The following PLA2R1 variants were observed in gnomAD, a reference collection of about 807,000 sequenced individuals.
PLA2R1 encodes secretory phospholipase A2 receptor.
PLA2R1 carries 158 observed loss-of-function variants against 195.9 expected under a neutral mutation model. The ratio of observed to expected loss-of-function variants is 0.81; its 90% CI spans 0.71 to 0.92. The LOEUF (loss-of-function observed/expected upper bound fraction) is 0.92, where lower values mean the gene tolerates loss of function less well. Ranked by LOEUF, PLA2R1 falls within the 40% of genes least tolerant of loss-of-function variation. The pLI is 0.00. For missense variants in PLA2R1, 1,626 were observed against 1,764.6 expected, an observed-to-expected ratio of 0.92 and a Z score of 1.41; for synonymous variants, 586 against 598.2, an observed-to-expected ratio of 0.98 and a Z score of 0.30.
rs146638049 is a variant in PLA2R1, at chr2:160,012,941, T to C, written c.1664+322A>G. Among the ~76,000 whole-genome samples, 197 of 151,926 alleles carry C rather than the reference T, an allele frequency of 1.3e-3. 1 individual carries two copies. Among genetic ancestry groups the C allele is most frequent in the African/African-American group, 4.4e-3 (181 of 41,456 alleles). Reference sequence around the variant, plus strand: ...AAATGAAAAAAAATAAAATAAAAAATAAATAACGGGTTTCATTTCCCATAT... The same window carrying C: ...AAATGAAAAAAAATAAAATAAAAAACAAATAACGGGTTTCATTTCCCATAT... On this transcript the variant is annotated intron_variant, in intron 10 of 29. Transcript: ENST00000283243.
chr2:160,006,007 TC>T (rs1362092248), intron 10 of PLA2R1, among the ~76,000 whole-genome samples, 186 bp from the exon 11 acceptor site: 1 of 152,164 alleles, frequency 6.6e-6, no homozygotes, highest in Non-Finnish European at 1.5e-5. Context: ...TCAGTGCAAT[TC>T]CCAGAACTAT....
chr2:159,978,522 T>C (rs1195137247), intron 14 of PLA2R1, among the ~76,000 whole-genome samples: 4 of 152,214 alleles, frequency 2.6e-5, no homozygotes, highest in African/African-American at 9.6e-5. Flanking sequence ...TTATCTAATT[T>C]ATTCTGACCC....
At position 160,062,588 on chromosome 2, in the gene PLA2R1, T is replaced by TCCACAGTGAACCGAGTG. The variant is rs1696045108; in HGVS notation, c.-186_-185insCACTCGGTTCACTGTGG. 9.2e-7 allele frequency: 1 copy of TCCACAGTGAACCGAGTG among 1,088,634 alleles called. No individual in the cohort carries two copies. The highest frequency in any genetic ancestry group is 1.2e-6 in the Non-Finnish European group (1 of 820,172). The allele number at this position is 1,088,634 out of a possible 1,614,324, so 67.4% of individuals were successfully genotyped here. ...GGAGACCCACTCCGCCACCGCTGTC[T>TCCACAGTGAACCGAGTG]CCACAGTGAACCGACACTCGGGGCT... On this transcript the variant is annotated 5_prime_UTR_variant, in exon 1 of 30. Transcript: ENST00000283243.
chr2:159,957,722 A>G (rs952315576), intron 20 of PLA2R1, among the ~76,000 whole-genome samples: 5 of 152,152 alleles, frequency 3.3e-5, no homozygotes, highest in African/African-American at 1.2e-4. Context: ...AGGGTTGAAG[A>G]TAAGTTTGTT....
In PLA2R1 at chr2:159,956,593, C is replaced by T. The variant is rs1236776573; in HGVS notation, c.2939G>A (p.Ser980Asn). 1 of 1,612,876 alleles carries T rather than the reference C, an allele frequency of 6.2e-7. No homozygotes were observed. Among genetic ancestry groups the T allele is most frequent in the Non-Finnish European group, 8.5e-7 (1 of 1,178,896 alleles). Residue 980 changes from serine (S) to asparagine (N), a missense_variant, in exon 21 of 30, where the codon AGT (serine) becomes AAT (asparagine). Physicochemically the swap from Ser to Asn is conservative, Grantham distance 46 (BLOSUM62 1). Transcript: ENST00000283243. ...LLLNIPKDPSSWKNWTHAQHF... is the reference protein window; with the variant it reads ...LLLNIPKDPSNWKNWTHAQHF... ...TTGAGCATGCGTCCAGTTCTTCCAA[C>T]TGCTTGGGTCTTTGGGGATATTCAG...
chr2:160,062,281 C>A lies in PLA2R1; in HGVS notation c.109+14G>T. 3 of 1,462,942 alleles carry A rather than the reference C, an allele frequency of 2.1e-6. No individual in the cohort carries two copies. The highest frequency in any genetic ancestry group is 2.7e-6 in the Non-Finnish European group (3 of 1,104,762). The allele number at this position is 1,462,942 out of a possible 1,614,324, so 90.6% of individuals were successfully genotyped here. A position where few individuals can be genotyped will look rare whatever the true frequency, so the allele number is the denominator to read the frequency against. On this transcript the variant is annotated intron_variant, in intron 1 of 29. Coordinates refer to ENST00000283243, the MANE Select transcript of PLA2R1 (RefSeq NM_007366.5). The stretch of plus-strand genomic sequence containing the variant: ...CCAACGTACCGATCCAGTCCCCGAC[C>A]CTGGGAGACTCACCCTGCCACTCCA...
Position 159,951,463 on chromosome 2 carries a change from T to TA in PLA2R1, c.3416dup (p.Thr1141AsnfsTer41). The stretch of plus-strand genomic sequence containing the variant: ...GTGCTTTGTGCATCAGGCAGGTTTT[T>TA]ATTGCTGCATACCAAGTCATATTTG... On this transcript the variant is annotated frameshift_variant, in exon 24 of 30. Coordinates refer to ENST00000283243, the MANE Select transcript of PLA2R1 (RefSeq NM_007366.5). LOFTEE classifies it high-confidence loss of function. 1 of 1,611,622 alleles carries TA rather than the reference T, an allele frequency of 6.2e-7. No homozygotes were observed. Among genetic ancestry groups the TA allele is most frequent in the South Asian group, 1.1e-5 (1 of 91,038 alleles).
At chr2:159,972,105 A>G (rs1016912160) in intron 17 of PLA2R1, among the ~76,000 whole-genome samples, 8 of 152,154 alleles carry the variant, frequency 5.3e-5, no homozygotes, top group African/African-American at 1.2e-4. Flanking sequence ...CACTGCCCCA[A>G]TTAAGGACCT....
At chr2:159,974,511 G>C (rs553370643) in intron 17 of PLA2R1, among the ~76,000 whole-genome samples, 2 of 152,302 alleles carry the variant, frequency 1.3e-5, no homozygotes, top group South Asian at 4.1e-4. Context: ...CATGCGTATG[G>C]ATTAGTTTTC....
chr2:159,946,577 G>T (rs770146853), intron 27 of PLA2R1: 16 of 1,232,744 alleles, frequency 1.3e-5, no homozygotes, highest in Non-Finnish European at 1.6e-5. Context: ...AGATAAACAT[G>T]TTATTGTTTG....
At chr2:159,995,704 C>T (rs1691164142) in intron 11 of PLA2R1, among the ~76,000 whole-genome samples, 1 of 152,010 alleles carries the variant, frequency 6.6e-6, no homozygotes, top group African/African-American at 2.4e-5. Flanking sequence ...ACAAAAAAAT[C>T]TAATTTGTCT....
In PLA2R1 at chr2:159,947,605, A is replaced by G. The variant is rs3736448; in HGVS notation, c.3710-46T>C. 4,772 of 1,557,224 alleles carry G rather than the reference A, an allele frequency of 3.1e-3. 216 individuals are homozygous for G. The East Asian group carries it at 0.097, about 32-fold the overall frequency. On this transcript the variant is annotated intron_variant, in intron 25 of 29. Transcript: ENST00000283243. Reference sequence around the variant, plus strand: ...TGATTTCAGGGTGGTGACTGGGTTTATTTATTGAGATAAATATTACATTAC... The same window carrying G: ...TGATTTCAGGGTGGTGACTGGGTTTGTTTATTGAGATAAATATTACATTAC...
rs115628295 is a variant in PLA2R1 at position 160,015,851 on chromosome 2, G to A, written c.1551+763C>T. Among the ~76,000 whole-genome samples the A allele has an allele frequency of 6.5e-3, 994 of 152,330 alleles. 7 individuals are homozygous for A. The highest frequency in any genetic ancestry group is 0.01 in the Non-Finnish European group (681 of 68,016). ...CAATACAAATAACTGGATTAGAAGA[G>A]AAAATAATTAAAGCATAGTTGCATA... On this transcript the variant is annotated intron_variant, in intron 9 of 29. Transcript: ENST00000283243.
intron 8 of PLA2R1, among the ~76,000 whole-genome samples, chr2:160,017,262 A>T (rs2105452363): frequency 6.6e-6 from 1 of 152,248 alleles, no homozygotes; most frequent in East Asian, 1.9e-4. Context: ...GGGCTGCATG[A>T]CCAGTGTCTC....
chr2:159,989,873 T>C (rs1283679456), intron 11 of PLA2R1, among the ~76,000 whole-genome samples: 2 of 152,224 alleles, frequency 1.3e-5, no homozygotes, highest in Admixed American at 1.3e-4. Context: ...TTTGTCTCAC[T>C]TTCCCACACC....
At chr2:159,955,389 CATT>C (rs758499814) in intron 22 of PLA2R1, 43 bp from the exon 23 acceptor site, 1 of 1,262,740 alleles carries the variant, frequency 7.9e-7, no homozygotes, top group South Asian at 1.4e-5. Context: ...TAACATATAG[CATT>C]ATTATAACAT....
At chr2:160,041,972 T>C in intron 3 of PLA2R1, 53 bp downstream of exon 3, 1 of 1,410,384 alleles carries the variant, frequency 7.1e-7, no homozygotes, top group Non-Finnish European at 9.9e-7. Flanking sequence ...GATAACTTTC[T>C]AATCATCTTT....
intron 1 of PLA2R1, among the ~76,000 whole-genome samples, chr2:160,058,552 C>T (rs532098732): frequency 6.6e-6 from 1 of 150,800 alleles, no homozygotes; most frequent in East Asian, 1.9e-4. Context: ...GCTTCAAAAC[C>T]CTTTTACTTG....
At chr2:159,994,894 A>AT (rs146696102) in intron 11 of PLA2R1, among the ~76,000 whole-genome samples, 5,044 of 152,042 alleles carry the variant, frequency 0.033, 97 homozygotes, top group East Asian at 0.053. Flanking sequence ...GGTGGTTCTG[A>AT]GTGTTCATGT....
Sources: gnomAD v4.1 joint callset for allele counts (sites outside exome capture counted in the v4.1 genomes callset) on GRCh38, gnomAD v4.1.1 for gene constraint, MANE v1.5 for transcripts, NCBI Gene and HGNC (gene_info 2026-07-23, HGNC 2026-07-21) for gene names.